OOSP4B: variants seen among roughly 807,000 people sequenced by gnomAD.
The protein encoded by OOSP4B is oocyte secreted protein family member 4B, also known as oocyte-secreted protein 4B.
At chr11:60,029,269 A>G (rs1405446825) in intron 3 of OOSP4B, among the ~76,000 whole-genome samples, 1 of 152,220 alleles carries the variant, frequency 6.6e-6, no homozygotes, top group Non-Finnish European at 1.5e-5. Flanking sequence ...AGCAGTGGGA[A>G]TAAACACTAC....
rs1854698992 is a variant in OOSP4B at position 60,022,287 on chromosome 11, CATT to C, written c.23-1592_23-1590del. 4 of 152,156 alleles carry C rather than the reference CATT, an allele frequency of 2.6e-5. 1 individual carries two copies. The highest frequency in any genetic ancestry group is 2.6e-4 in the Admixed American group (4 of 15,272). 9.4% of individuals were successfully genotyped at this position (152,156 alleles called of 1,614,324 possible). ...CCGTTTCGACATGGACCAAGAAGGA[CATT>C]GTACCATAGTCCTGCTGCTATGAGG... On this transcript the variant is annotated intron_variant, in intron 1 of 4. Coordinates refer to ENST00000642343, the Ensembl canonical transcript of OOSP4B.
At chr11:60,023,495 C>T (rs917238096) in intron 1 of OOSP4B, among the ~76,000 whole-genome samples, 2 of 152,116 alleles carry the variant, frequency 1.3e-5, no homozygotes, top group South Asian at 2.1e-4. Flanking sequence ...AGTGCAGTGG[C>T]ATGGTCTCGA....
At chr11:60,020,487 G>C (rs1294470047) in intron 1 of OOSP4B, among the ~76,000 whole-genome samples, 1 of 152,228 alleles carries the variant, frequency 6.6e-6, no homozygotes, top group Non-Finnish European at 1.5e-5. Flanking sequence ...CCCGGGTGGG[G>C]GCGGGGGCCA....
intron 3 of OOSP4B, among the ~76,000 whole-genome samples, chr11:60,027,682 A>AAAAAAAAAAAAAAAT (rs1854758310): frequency 6.9e-6 from 1 of 144,648 alleles, no homozygotes; most frequent in East Asian, 2.0e-4. Flanking sequence ...AAAAAAAAAG[A>AAAAAAAAAAAAAAAT]TGATCCCAGC....
At chr11:60,030,201 C>A (rs1325104025) in intron 4 of OOSP4B, among the ~76,000 whole-genome samples, 7 of 152,012 alleles carry the variant, frequency 4.6e-5, no homozygotes, top group Admixed American at 1.3e-4. Context: ...TAGCCTGTGA[C>A]AAAATGAAAT....
intron 1 of OOSP4B, among the ~76,000 whole-genome samples, chr11:60,018,510 G>C (rs1163056053): frequency 6.6e-6 from 1 of 152,174 alleles, no homozygotes; most frequent in Non-Finnish European, 1.5e-5. Context: ...AGCACTTTAA[G>C]GCACATATTT....
chr11:60,025,078 A>G, intron 3 of OOSP4B, 73 bp downstream of exon 3: 1 of 396,944 alleles, frequency 2.5e-6, no homozygotes, highest in Non-Finnish European at 4.4e-6. Context: ...TTAAGAATGC[A>G]GCTATAAAAA....
chr11:60,018,227 C>T (rs542096504), intron 1 of OOSP4B, among the ~76,000 whole-genome samples: 2 of 152,282 alleles, frequency 1.3e-5, no homozygotes, highest in East Asian at 3.9e-4. Context: ...TGGACTTTCT[C>T]CTGTTTCTGT....
intron 3 of OOSP4B, 21 bp downstream of exon 3, chr11:60,025,026 T>C: frequency 2.5e-6 from 1 of 398,234 alleles, no homozygotes; most frequent in Non-Finnish European, 4.4e-6. Context: ...CTACTTCTCT[T>C]ACACATTCTT....
chr11:60,030,170 C>T (rs1053888306), intron 4 of OOSP4B, among the ~76,000 whole-genome samples: 2 of 152,192 alleles, frequency 1.3e-5, no homozygotes, highest in African/African-American at 4.8e-5. Context: ...CTCTCAGGTA[C>T]TAAACTGTTC....
At chr11:60,027,227 T>C (rs1455920703) in intron 3 of OOSP4B, among the ~76,000 whole-genome samples, 1 of 152,072 alleles carries the variant, frequency 6.6e-6, no homozygotes, top group African/African-American at 2.4e-5. Flanking sequence ...TAAAGTAGGA[T>C]GGTGAAGGGT....
intron 1 of OOSP4B, among the ~76,000 whole-genome samples, chr11:60,018,883 C>T (rs538908): frequency 0.39 from 59,214 of 151,892 alleles, 12,315 homozygotes; most frequent in East Asian, 0.52. Flanking sequence ...TCACATTAGA[C>T]GAATCTAGGG....
rs184021591 is a variant in OOSP4B, at chr11:60,027,981, G to T, written c.303-1801G>T. Among the ~76,000 whole-genome samples, 5 of 151,662 alleles carry T rather than the reference G, an allele frequency of 3.3e-5. No individual in the cohort carries two copies. In the East Asian group the frequency reaches 9.7e-4, roughly 29 times the overall value. ...GTCTCCTCCTTTTGGATCATGGAAA[G>T]AAGTGGTACTTATGGCAATGGAGTC... On this transcript the variant is annotated intron_variant, in intron 3 of 4. Transcript: ENST00000642343.
intron 1 of OOSP4B, among the ~76,000 whole-genome samples, chr11:60,018,983 G>A (rs1427554242): frequency 1.3e-5 from 2 of 152,080 alleles, no homozygotes; most frequent in Admixed American, 1.3e-4. Context: ...ATGGGAAGCC[G>A]AGGCAGGCAG....
At chr11:60,027,811 A>G (rs1268708123) in intron 3 of OOSP4B, among the ~76,000 whole-genome samples, 2 of 151,864 alleles carry the variant, frequency 1.3e-5, no homozygotes, top group African/African-American at 4.8e-5. Context: ...CTGGTGGCAC[A>G]TGCCCATAAT....
chr11:60,018,606 A>T (rs986054539), intron 1 of OOSP4B, among the ~76,000 whole-genome samples: 1 of 152,196 alleles, frequency 6.6e-6, no homozygotes, highest in Non-Finnish European at 1.5e-5. Context: ...TTGATTTCTA[A>T]CAACCGAAGC....
intron 3 of OOSP4B, among the ~76,000 whole-genome samples, chr11:60,025,425 A>G (rs1220811462): frequency 1.3e-5 from 2 of 152,260 alleles, no homozygotes; most frequent in African/African-American, 4.8e-5. Context: ...CCCTATTGAC[A>G]TGAGTAAGAC....
intron 4 of OOSP4B, among the ~76,000 whole-genome samples, chr11:60,030,592 A>C (rs73479007): frequency 0.017 from 2,611 of 152,338 alleles, 72 homozygotes; most frequent in African/African-American, 0.059. Flanking sequence ...TAGCCAACAC[A>C]TAGATGCTAA....
intron 3 of OOSP4B, among the ~76,000 whole-genome samples, chr11:60,026,427 T>A (rs145149233): frequency 4.7e-4 from 71 of 152,346 alleles, no homozygotes; most frequent in Non-Finnish European, 8.5e-4. Flanking sequence ...TCTTTCGTTA[T>A]ATCAATGACC....
Sources: allele counts gnomAD v4.1 joint callset (sites outside exome capture counted in the v4.1 genomes callset), GRCh38; gene constraint gnomAD v4.1.1; transcripts MANE v1.5; gene names NCBI Gene and HGNC (gene_info 2026-07-23, HGNC 2026-07-21).